The following SCN1A variants were observed in gnomAD, a reference collection of about 807,000 sequenced individuals.
SCN1A encodes sodium voltage-gated channel alpha subunit 1.
SCN1A carries 13 observed loss-of-function variants against 193.7 expected under a neutral mutation model. That is an observed-to-expected ratio of 0.07 (90% CI 0.04 to 0.11). The LOEUF (loss-of-function observed/expected upper bound fraction) is 0.11. Ranked by LOEUF, SCN1A falls within the 10% of genes least tolerant of loss-of-function variation. SCN1A has a pLI of 1.00. For missense variants in SCN1A, 1,432 were observed against 2,451.1 expected (o/e 0.58, Z 8.78); for synonymous variants, 781 against 843.6 (o/e 0.93, Z 1.29).
At chr2:166,118,856 T>C (rs1319587272) in intron 2 of SCN1A, among the ~76,000 whole-genome samples, 1 of 152,206 alleles carries the variant, frequency 6.6e-6, no homozygotes, top group Non-Finnish European at 1.5e-5. Context: ...TTTTCTTTAA[T>C]CTTAAAATTA....
In SCN1A at chr2:166,043,873, T is replaced by C. The variant is rs751919124; in HGVS notation, c.1839A>G (p.Arg613=). Residue 613 remains arginine (R), a synonymous_variant, in exon 14 of 29, where the codon CGA becomes CGG. Transcript: ENST00000674923. ...SRRDSLFVPR[R]HGERRNSNLS... is the part of the protein sequence containing the mutation. ...GGTTGCTGTTGCGTCTCTCTCCGTGTCGTCGGGGCACAAACAAGGAATCTC... is the reference window on the plus strand; with the variant it reads ...GGTTGCTGTTGCGTCTCTCTCCGTGCCGTCGGGGCACAAACAAGGAATCTC... 6.2e-7 allele frequency: 1 copy of C among 1,614,204 alleles called. No homozygotes were observed. Among genetic ancestry groups the C allele is most frequent in the South Asian group, 1.1e-5 (1 of 91,086 alleles).
chr2:166,041,669 G>C (rs1697208910), intron 15 of SCN1A, among the ~76,000 whole-genome samples, 200 bp from the exon 16 acceptor site: 1 of 152,098 alleles, frequency 6.6e-6, no homozygotes, highest in South Asian at 2.1e-4. Flanking sequence ...TAGAGCCCAG[G>C]TAACAATGGG....
At chr2:166,058,773 A>C in intron 4 of SCN1A, 85 bp from the exon 5 acceptor site, 1 of 817,170 alleles carries the variant, frequency 1.2e-6, no homozygotes, top group Non-Finnish European at 2.1e-6. Flanking sequence ...TGTCATAATA[A>C]ATTATTGTAA....
Position 166,007,336 on chromosome 2 carries a change from C to A in SCN1A, c.4002+2383G>T, listed in dbSNP as rs191448880. On this transcript the variant is annotated intron_variant, in intron 23 of 28. Transcript: ENST00000674923. ...ATATAGTTTGTTATTAGTTAGAAAT[C>A]TGATATGACAGAACATTTGGTGTTA... 3.8e-4 allele frequency: 58 copies of A among 151,328 alleles called. 1 individual carries two copies. Among genetic ancestry groups the A allele is most frequent in the Non-Finnish European group, 4.3e-4 (29 of 67,464 alleles). The allele number at this position is 151,328 out of a possible 1,614,324, so 9.4% of individuals were successfully genotyped here.
chr2:166,005,743 A>G (rs920571411), intron 23 of SCN1A, among the ~76,000 whole-genome samples: 8 of 151,384 alleles, frequency 5.3e-5, no homozygotes, highest in African/African-American at 1.5e-4. Flanking sequence ...TTCAGTCTCA[A>G]TAAAGCTGCA....
chr2:165,999,852 G>T, intron 24 of SCN1A, 76 bp from the exon 25 acceptor site: 1 of 1,079,298 alleles, frequency 9.3e-7, no homozygotes, highest in South Asian at 1.3e-5. Flanking sequence ...TATTCTTACT[G>T]ATATAATTTT....
intron 1 of SCN1A, among the ~76,000 whole-genome samples, chr2:166,145,741 C>T (rs1692295271): frequency 1.3e-5 from 2 of 152,110 alleles, no homozygotes; most frequent in Admixed American, 6.6e-5. Flanking sequence ...ATTCAATATT[C>T]CTTCCAACAG....
intron 2 of SCN1A, among the ~76,000 whole-genome samples, chr2:166,125,456 A>G (rs1337076050): frequency 6.6e-6 from 1 of 152,198 alleles, no homozygotes; most frequent in Non-Finnish European, 1.5e-5. Context: ...TCACACCGAC[A>G]TAAACCCTTG....
chr2:166,069,521 G>A (rs748132005), intron 4 of SCN1A, among the ~76,000 whole-genome samples: 1 of 152,200 alleles, frequency 6.6e-6, no homozygotes, highest in African/African-American at 2.4e-5. Context: ...ATTTTAATAA[G>A]CTCACTGACA....
At chr2:166,071,417 A>C (rs756264043) in intron 4 of SCN1A, among the ~76,000 whole-genome samples, 25 of 152,206 alleles carry the variant, frequency 1.6e-4, no homozygotes, top group Non-Finnish European at 2.8e-4. Flanking sequence ...AATGAAATAC[A>C]TGGAAAATGA....
Position 166,039,633 on chromosome 2 carries a change from T to G in SCN1A, c.2416-37A>C, listed in dbSNP as rs2126152. The stretch of plus-strand genomic sequence containing the variant: ...ACAAAATTAATCTAATTCCACCAGA[T>G]AATAACATACATGACATAAGATTTG... On this transcript the variant is annotated intron_variant, in intron 16 of 28. Coordinates refer to ENST00000674923, the MANE Select transcript of SCN1A (RefSeq NM_001165963.4). 0.71 allele frequency: 1,104,325 copies of G among 1,561,032 alleles called. 393,177 individuals are homozygous for G. The highest frequency in any genetic ancestry group is 0.89 in the East Asian group (39,805 of 44,488).
At position 165,992,597 on chromosome 2, in the gene SCN1A, T is replaced by G; in HGVS notation, c.4853-175A>C. ...CATAATATATTATAAATCTTAATTT[T>G]GAAATTCAGCAATAATTTCAATTAT... On this transcript the variant is annotated intron_variant, in intron 28 of 28. Coordinates refer to ENST00000674923, the MANE Select transcript of SCN1A (RefSeq NM_001165963.4). The surrounding 1 kb of genome is among the most constrained non-coding windows in gnomAD (Gnocchi z 6.5). The G allele has an allele frequency of 3.0e-6, 1 of 335,558 alleles. No individual in the cohort carries two copies. The highest frequency in any genetic ancestry group is 4.8e-6 in the Non-Finnish European group (1 of 206,794). 20.8% of individuals were successfully genotyped at this position (335,558 alleles called of 1,614,324 possible).
Position 166,054,604 on chromosome 2 carries a change from T to C in SCN1A, c.602+34A>G, listed in dbSNP as rs751129092. On this transcript the variant is annotated intron_variant, in intron 7 of 28. Coordinates refer to ENST00000674923, the MANE Select transcript of SCN1A (RefSeq NM_001165963.4). ...TAAGCACTGATGGAAAACCAAACTA[T>C]GTTCTCTCTTAAAGTTTCAAAAAAG... The C allele has an allele frequency of 5.0e-6, 8 of 1,609,838 alleles. No homozygotes were observed. The South Asian group carries it at 6.6e-5, about 13-fold the overall frequency.
chr2:166,111,231 C>A (rs1007514375), intron 2 of SCN1A, among the ~76,000 whole-genome samples: 1 of 152,070 alleles, frequency 6.6e-6, no homozygotes, highest in African/African-American at 2.4e-5. Context: ...TAGGTTCAGT[C>A]TCTTGTTAGG....
intron 2 of SCN1A, among the ~76,000 whole-genome samples, chr2:166,092,891 T>C (rs1686969728): frequency 6.6e-6 from 1 of 152,146 alleles, no homozygotes; most frequent in Admixed American, 6.6e-5. Flanking sequence ...AACTCAGCCC[T>C]CACTCCTTTT....
intron 18 of SCN1A, 119 bp downstream of exon 18, chr2:166,037,655 CTT>C (rs67819222): frequency 4.6e-6 from 4 of 860,828 alleles, no homozygotes. Flanking sequence ...AAATTATACT[CTT>C]TTTTTTTATT....
chr2:166,094,210 C>T (rs1044022828), intron 2 of SCN1A, among the ~76,000 whole-genome samples: 1 of 152,060 alleles, frequency 6.6e-6, no homozygotes, highest in African/African-American at 2.4e-5. Flanking sequence ...AATGAGAAAA[C>T]AAGGAATGAC....
intron 5 of SCN1A, among the ~76,000 whole-genome samples, chr2:166,057,741 A>T (rs889120023): frequency 1.4e-4 from 22 of 151,840 alleles, no homozygotes; most frequent in Admixed American, 1.2e-3. Flanking sequence ...AGAATCCTTT[A>T]AAAAAAAGTA....
Position 166,002,594 on chromosome 2 carries a change from C to T in SCN1A, c.4162G>A (p.Glu1388Lys), listed in dbSNP as rs775820803. ...NTTTGDRFDIEDVNNHTDCLK... is the reference protein window; with the variant it reads ...NTTTGDRFDIKDVNNHTDCLK... ...CAATCAGTATGATTATTCACGTCTT[C>T]GATGTCAAACCTGTCACCAGTTGTG... Residue 1388 changes from glutamate to lysine, a missense_variant, in exon 24 of 29, where the codon GAA becomes AAA. This residue lies in a region of SCN1A where 107 missense variants were observed against 259.4 expected (regional missense o/e 0.41). Coordinates refer to ENST00000674923, the MANE Select transcript of SCN1A (RefSeq NM_001165963.4). 1.3e-5 allele frequency: 21 copies of T among 1,611,840 alleles called. No individual in the cohort carries two copies. The highest frequency in any genetic ancestry group is 1.7e-5 in the Non-Finnish European group (20 of 1,178,724).
Sources: gnomAD v4.1 joint callset for allele counts (sites outside exome capture counted in the v4.1 genomes callset) on GRCh38, gnomAD v4.1.1 for gene constraint, gnomAD v4.1.1 regional missense constraint, Gnocchi (gnomAD v3.1) non-coding constraint, MANE v1.5 for transcripts, NCBI Gene and HGNC (gene_info 2026-07-23, HGNC 2026-07-21) for gene names.